Variants in GLIS3 observed in about 807,000 individuals in gnomAD.
GLIS3 encodes GLIS family zinc finger 3, also known as zinc finger protein GLIS3.
In GLIS3, 53 loss-of-function variants were observed where a neutral mutation model predicts 78.6. That is an observed-to-expected ratio of 0.67 (90% CI 0.54 to 0.85). The LOEUF (loss-of-function observed/expected upper bound fraction) is 0.85, where lower values mean the gene tolerates loss of function less well. Among genes scored for constraint, GLIS3 ranks in the 40% least tolerant of loss-of-function variants. GLIS3 has a pLI of 0.00. For missense variants in GLIS3, 1,703 were observed against 1,231.1 expected, an observed-to-expected ratio of 1.38 and a Z score of -5.74; for synonymous variants, 684 against 509.9, an observed-to-expected ratio of 1.34 and a Z score of -4.60.
chr9:3,988,779 CT>C (rs1321583618), intron 4 of GLIS3, among the ~76,000 whole-genome samples: 2 of 151,696 alleles, frequency 1.3e-5, no homozygotes, highest in Non-Finnish European at 2.9e-5. Context: ...GAATATAGAC[CT>C]AAATGTAAGA....
chr9:4,354,118 G>T, the GLIS3 span, among the ~76,000 whole-genome samples: 1 of 151,774 alleles, frequency 6.6e-6, no homozygotes, highest in East Asian at 1.9e-4. Context: ...TTACAGGCGT[G>T]AGCCACCACG....
chr9:4,360,714 T>C, the GLIS3 span, among the ~76,000 whole-genome samples: 1 of 152,198 alleles, frequency 6.6e-6, no homozygotes, highest in Non-Finnish European at 1.5e-5. Flanking sequence ...AAAGCTTATG[T>C]TCTTAAAATT....
intron 2 of GLIS3, among the ~76,000 whole-genome samples, chr9:4,155,107 AGAT>A (rs1697851312): frequency 6.6e-6 from 1 of 152,234 alleles, no homozygotes; most frequent in African/African-American, 2.4e-5. Flanking sequence ...AAGTACTTGT[AGAT>A]AAGTTTCTTT....
intron 2 of GLIS3, among the ~76,000 whole-genome samples, chr9:4,324,393 T>C (rs759008605): frequency 1.3e-5 from 2 of 152,174 alleles, no homozygotes; most frequent in Non-Finnish European, 2.9e-5. Flanking sequence ...AGTATTTTCA[T>C]CAGTAAAATG....
chr9:4,006,187 C>G (rs1354452350), intron 4 of GLIS3, among the ~76,000 whole-genome samples: 1 of 151,400 alleles, frequency 6.6e-6, no homozygotes, highest in Non-Finnish European at 1.5e-5. Flanking sequence ...ATGTTAGGCC[C>G]TTTGCTGTAA....
intron 4 of GLIS3, among the ~76,000 whole-genome samples, chr9:4,081,957 T>C (rs567613169): frequency 2.0e-5 from 3 of 152,376 alleles, no homozygotes; most frequent in East Asian, 1.9e-4. Context: ...GAAAAATTCA[T>C]GCTTCTTAAA....
the GLIS3 span, among the ~76,000 whole-genome samples, chr9:4,471,263 T>C: frequency 6.6e-6 from 1 of 152,050 alleles, no homozygotes; most frequent in African/African-American, 2.4e-5. Context: ...TACTTTAAAG[T>C]TCATATGGAA....
At chr9:4,469,803 G>A in the GLIS3 span, among the ~76,000 whole-genome samples, 4 of 151,966 alleles carry the variant, frequency 2.6e-5, no homozygotes, top group African/African-American at 4.8e-5. Flanking sequence ...AATTGAAGGA[G>A]ATAGAGACAC....
the GLIS3 span, among the ~76,000 whole-genome samples, chr9:4,457,541 A>C: frequency 6.6e-6 from 1 of 151,994 alleles, no homozygotes. Context: ...CCTGTAATCA[A>C]ATAACGACTT....
At chr9:3,946,643 T>G (rs1221165541) in intron 4 of GLIS3, among the ~76,000 whole-genome samples, 1 of 152,234 alleles carries the variant, frequency 6.6e-6, no homozygotes, top group Non-Finnish European at 1.5e-5. Flanking sequence ...ACTTCTTTAT[T>G]GATATTCTGA....
intron 2 of GLIS3, among the ~76,000 whole-genome samples, chr9:4,281,329 G>A (rs866161606): frequency 5.3e-5 from 8 of 152,014 alleles, no homozygotes; most frequent in African/African-American, 1.4e-4. Flanking sequence ...TATACAGTTC[G>A]GTGGCATTAA....
chr9:4,354,345 G>A, the GLIS3 span, among the ~76,000 whole-genome samples: 2 of 152,134 alleles, frequency 1.3e-5, no homozygotes, highest in Non-Finnish European at 2.9e-5. Flanking sequence ...CTCTCTTCAT[G>A]CCATATGGAT....
chr9:4,445,729 A>G, the GLIS3 span, among the ~76,000 whole-genome samples: 2 of 152,264 alleles, frequency 1.3e-5, no homozygotes, highest in African/African-American at 4.8e-5. Context: ...TCATGGACAC[A>G]GCATGTTAGG....
intron 4 of GLIS3, among the ~76,000 whole-genome samples, chr9:4,306,256 G>C (rs539160563): frequency 8.0e-4 from 52 of 65,044 alleles, no homozygotes; most frequent in African/African-American, 3.1e-3. Flanking sequence ...TATTTTTGTA[G>C]AGGCAGGGGG....
At chr9:4,318,203 G>T (rs887073182) in intron 2 of GLIS3, among the ~76,000 whole-genome samples, 1 of 152,170 alleles carries the variant, frequency 6.6e-6, no homozygotes, top group African/African-American at 2.4e-5. Flanking sequence ...GATGGAAAGT[G>T]GGGAGGTAAG....
chr9:4,379,183 T>C, the GLIS3 span, among the ~76,000 whole-genome samples: 24 of 152,112 alleles, frequency 1.6e-4, no homozygotes, highest in East Asian at 2.9e-3. Context: ...ATAAGGCAGT[T>C]CTCCTATCCA....
chr9:4,024,751 A>G (rs1823181150), intron 4 of GLIS3, among the ~76,000 whole-genome samples: 1 of 152,214 alleles, frequency 6.6e-6, no homozygotes, highest in East Asian at 1.9e-4. Flanking sequence ...CTTCTTCTGT[A>G]TAACAGCTCA....
intron 2 of GLIS3, among the ~76,000 whole-genome samples, chr9:4,209,480 G>C (rs1401716096): frequency 6.6e-6 from 1 of 152,168 alleles, no homozygotes; most frequent in Non-Finnish European, 1.5e-5. Flanking sequence ...TTTGCAGAAA[G>C]CTTCTCAAGA....
chr9:4,460,432 C>A, the GLIS3 span, among the ~76,000 whole-genome samples: 1 of 152,194 alleles, frequency 6.6e-6, no homozygotes, highest in African/African-American at 2.4e-5. Context: ...ATTAGGTTGC[C>A]ATAATGGAAG....
Sources: allele counts gnomAD v4.1 joint callset (sites outside exome capture counted in the v4.1 genomes callset), GRCh38; gene constraint gnomAD v4.1.1; transcripts MANE v1.5; gene names NCBI Gene and HGNC (gene_info 2026-07-23, HGNC 2026-07-21).